LONP2: variants seen among roughly 807,000 people sequenced by gnomAD.
LONP2 encodes the protein lon protease homolog 2, peroxisomal.
A neutral mutation model predicts 85.6 loss-of-function variants in LONP2; 60 were observed. That is an observed-to-expected ratio of 0.70 (90% CI 0.57 to 0.87). The LOEUF is 0.87. Among genes scored for constraint, LONP2 ranks in the 40% least tolerant of loss-of-function variants. The probability of loss-of-function intolerance (pLI) is 0.00; values close to 1 mark genes in which losing one functional copy is unlikely to be tolerated. For synonymous variants in LONP2, 395 were observed against 389.7 expected, an observed-to-expected ratio of 1.01 and a Z score of -0.16; for missense variants, 860 against 1,063.5, an observed-to-expected ratio of 0.81 and a Z score of 2.66.
intron 1 of LONP2, among the ~76,000 whole-genome samples, chr16:48,245,158 C>T (rs1971292251): frequency 6.6e-6 from 1 of 152,114 alleles, no homozygotes; most frequent in Admixed American, 6.6e-5. Flanking sequence ...TTCTATACTC[C>T]CTGCCACCCT....
intron 7 of LONP2, among the ~76,000 whole-genome samples, chr16:48,275,510 T>C (rs1364433795): frequency 2.0e-5 from 3 of 152,044 alleles, no homozygotes; most frequent in Non-Finnish European, 4.4e-5. Context: ...ATCAGATGAG[T>C]TATGGGGCCA....
intron 11 of LONP2, among the ~76,000 whole-genome samples, chr16:48,303,517 TA>T (rs1175309968): frequency 6.6e-6 from 1 of 152,168 alleles, no homozygotes; most frequent in East Asian, 1.9e-4. Context: ...TTAACTGGAA[TA>T]ATAATATGAA....
intron 7 of LONP2, among the ~76,000 whole-genome samples, chr16:48,273,642 A>G (rs2150979594): frequency 6.6e-6 from 1 of 152,322 alleles, no homozygotes; most frequent in East Asian, 1.9e-4. Context: ...TTAAATTTTT[A>G]TATTTAAGTA....
rs752012160 is a variant in LONP2, at chr16:48,296,059, A to G, written c.1428A>G (p.Leu476=). 1 of 1,614,188 alleles carries G rather than the reference A, an allele frequency of 6.2e-7. No homozygotes were observed. The highest frequency in any genetic ancestry group is 8.5e-7 in the Non-Finnish European group (1 of 1,180,010). The change falls in exon 9 of 15, where the codon CTA becomes CTG. Residue 476 remains leucine (L), a synonymous_variant. Transcript: ENST00000285737. ...EQNHNFTDHY[L]NVAFDLSQVL... Reference sequence around the variant, plus strand: ...ACCATAACTTCACAGATCATTATCTAAATGTGGCCTTTGACCTTTCTCAAG... The same window carrying G: ...ACCATAACTTCACAGATCATTATCTGAATGTGGCCTTTGACCTTTCTCAAG...
intron 14 of LONP2, 112 bp downstream of exon 14, chr16:48,348,402 T>C (rs1960036531): frequency 1.7e-6 from 1 of 579,014 alleles, no homozygotes; most frequent in African/African-American, 1.9e-5. Context: ...GTTTTAAGTA[T>C]ATATTATATT....
chr16:48,362,640 C>T lies in LONP2; in HGVS notation c.*777C>T, dbSNP rs1036734833. 3.8e-6 allele frequency: 2 copies of T among 532,258 alleles called. No homozygotes were observed. Among genetic ancestry groups the T allele is most frequent in the South Asian group, 2.4e-5 (1 of 41,326 alleles). The allele number at this position is 532,258 out of a possible 1,614,324, so 33.0% of individuals were successfully genotyped here. The stretch of plus-strand genomic sequence containing the variant: ...AGGATCTGTACACTGGATAAGCTCT[C>T]TTTTCAAAATGTTCCGGAAAACATG... On this transcript the variant is annotated 3_prime_UTR_variant, in exon 5 of 5. Transcript: ENST00000565867. The surrounding 1 kb of genome is among the most constrained non-coding windows in gnomAD (Gnocchi z 4.2).
At chr16:48,261,301 A>G in intron 4 of LONP2, 123 bp from the exon 5 acceptor site, 2 of 674,596 alleles carry the variant, frequency 3.0e-6, no homozygotes, top group South Asian at 3.3e-5. Context: ...TTCACTTCCT[A>G]AAGATAGAGA....
At position 48,355,930 on chromosome 16, in the gene LONP2, A is replaced by G; in HGVS notation, c.*4128A>G. The G allele has an allele frequency of 6.6e-6, 1 of 152,168 alleles. No homozygotes were observed. The highest frequency in any genetic ancestry group is 1.5e-5 in the Non-Finnish European group (1 of 68,040). The allele number at this position is 152,168 out of a possible 1,614,324, so 9.4% of individuals were successfully genotyped here. ...CATGGGTTTTTAAAACTTCTCAAGTATTAAAACTAAAAGCTTTAGGTGCTT... is the reference window on the plus strand; with the variant it reads ...CATGGGTTTTTAAAACTTCTCAAGTGTTAAAACTAAAAGCTTTAGGTGCTT... On this transcript the variant is annotated 3_prime_UTR_variant, in exon 15 of 15. Coordinates refer to ENST00000285737, the MANE Select transcript of LONP2 (RefSeq NM_031490.5).
rs749794598 is a variant in LONP2, at chr16:48,270,277, A to G, written c.1241+3A>G. The G allele has an allele frequency of 4.3e-6, 7 of 1,612,792 alleles. No homozygotes were observed. The highest frequency in any genetic ancestry group is 2.7e-5 in the African/African-American group (2 of 74,900). On this transcript the variant is annotated splice_donor_region_variant and intron_variant, in intron 7 of 14. Transcript: ENST00000285737. ...CAGTCTGACATTCGAGGACACAGGT[A>G]GAACACTTCTCTCAGTTTAATCTCT...
chr16:48,300,992 A>G (rs1340899169), intron 10 of LONP2, among the ~76,000 whole-genome samples: 1 of 152,114 alleles, frequency 6.6e-6, no homozygotes, highest in African/African-American at 2.4e-5. Context: ...TTCTTTTTTT[A>G]TGTATACTTG....
chr16:48,316,847 T>C (rs949736408), intron 11 of LONP2, among the ~76,000 whole-genome samples: 4 of 152,206 alleles, frequency 2.6e-5, no homozygotes, highest in Admixed American at 2.0e-4. Context: ...TTGTTCTGTT[T>C]TTTAGCATTT....
chr16:48,277,255 C>G, intron 7 of LONP2, 83 bp from the exon 8 acceptor site: 8 of 1,356,142 alleles, frequency 5.9e-6, no homozygotes, highest in Non-Finnish European at 8.2e-6. Context: ...GATCTTTTCA[C>G]ATTCCTAAGT....
intron 12 of LONP2, among the ~76,000 whole-genome samples, chr16:48,341,989 T>G (rs1035425766): frequency 1.3e-5 from 2 of 152,134 alleles, no homozygotes; most frequent in African/African-American, 4.8e-5. Context: ...AGTTTTCTGC[T>G]TCAGGGAGCC....
intron 6 of LONP2, among the ~76,000 whole-genome samples, chr16:48,267,091 T>TGA (rs1316826584): frequency 1.3e-5 from 2 of 152,194 alleles, no homozygotes; most frequent in Admixed American, 1.3e-4. Flanking sequence ...CTTGGTACTC[T>TGA]GAGATGCCAT....
chr16:48,261,355 T>G (rs1219967015), intron 4 of LONP2, 69 bp from the exon 5 acceptor site: 3 of 1,141,550 alleles, frequency 2.6e-6, no homozygotes, highest in Non-Finnish European at 2.5e-6. Context: ...CATAATCTTA[T>G]GTGTACCTGG....
At chr16:48,300,596 C>G (rs1006779928) in intron 10 of LONP2, among the ~76,000 whole-genome samples, 1 of 152,176 alleles carries the variant, frequency 6.6e-6, no homozygotes, top group Admixed American at 6.5e-5. Flanking sequence ...AAGTATCTCT[C>G]TATTTTGAAC....
intron 11 of LONP2, among the ~76,000 whole-genome samples, chr16:48,318,996 A>G (rs1178258103): frequency 1.3e-5 from 2 of 149,272 alleles, no homozygotes; most frequent in Admixed American, 1.3e-4. Flanking sequence ...TTTTTTGACT[A>G]TTCTTCTCCA....
At chr16:48,314,871 A>T (rs1446717630) in intron 11 of LONP2, among the ~76,000 whole-genome samples, 6 of 152,172 alleles carry the variant, frequency 3.9e-5, no homozygotes, top group Non-Finnish European at 1.5e-5. Context: ...TGCCACATTC[A>T]CTTATTAATC....
chr16:48,323,980 C>T lies in LONP2; in HGVS notation c.1796-10236C>T, dbSNP rs1327876800. On this transcript the variant is annotated intron_variant, in intron 11 of 14. Transcript: ENST00000285737. Reference sequence around the variant, plus strand: ...CAGCCCTGGTCAGTAACTTGAATCTCAGTTGCACTTAGCACAATTCCTCTG... The same window carrying T: ...CAGCCCTGGTCAGTAACTTGAATCTTAGTTGCACTTAGCACAATTCCTCTG... Among the ~76,000 whole-genome samples the T allele has an allele frequency of 2.6e-5, 4 of 152,314 alleles. No homozygotes were observed. The East Asian group carries it at 7.7e-4, about 29-fold the overall frequency.
Sources: allele counts gnomAD v4.1 joint callset (sites outside exome capture counted in the v4.1 genomes callset), GRCh38; gene constraint gnomAD v4.1.1; non-coding constraint Gnocchi (gnomAD v3.1); transcripts MANE v1.5; gene names NCBI Gene and HGNC (gene_info 2026-07-23, HGNC 2026-07-21).